TTBK2: variants seen among roughly 807,000 people sequenced by gnomAD.
TTBK2 encodes the protein tau tubulin kinase 2.
In TTBK2, 28 loss-of-function variants were observed where a neutral mutation model predicts 110.8. The observed-to-expected ratio is 0.25, with a 90% CI of 0.19 to 0.35. The LOEUF is 0.35. Ranked by LOEUF, TTBK2 falls within the 10% of genes least tolerant of loss-of-function variation. The probability of loss-of-function intolerance (pLI) is 1.00; values close to 1 mark genes in which losing one functional copy is unlikely to be tolerated. For synonymous variants in TTBK2, 532 were observed against 527.3 expected, an observed-to-expected ratio of 1.01 and a Z score of -0.12; for missense variants, 1,369 against 1,500.3, an observed-to-expected ratio of 0.91 and a Z score of 1.45.
At chr15:42,819,855 T>C (rs7182515) in intron 6 of TTBK2, among the ~76,000 whole-genome samples, 8,264 of 152,296 alleles carry the variant, frequency 0.054, 282 homozygotes, top group African/African-American at 0.1. Context: ...TCAGCTAACA[T>C]AGAATTTTTT....
intron 10 of TTBK2, 28 bp downstream of exon 10, chr15:42,794,615 CA>C: frequency 6.2e-7 from 1 of 1,614,106 alleles, no homozygotes; most frequent in South Asian, 1.1e-5. Flanking sequence ...CCAGGAAAGA[CA>C]CCACCAAATG....
Position 42,752,932 on chromosome 15 carries a change from T to C in TTBK2, c.2314A>G (p.Asn772Asp). The C allele has an allele frequency of 6.2e-7, 1 of 1,614,190 alleles. No individual in the cohort carries two copies. The highest frequency in any genetic ancestry group is 8.5e-7 in the Non-Finnish European group (1 of 1,180,032). ...HNRLVVREFENLPGETEEKSI... is the reference protein window; with the variant it reads ...HNRLVVREFEDLPGETEEKSI... ...TTCTCTTCAGTTTCCCCAGGGAGATTTTCAAATTCTCTCACAACCAGTCTA... is the reference window on the plus strand; with the variant it reads ...TTCTCTTCAGTTTCCCCAGGGAGATCTTCAAATTCTCTCACAACCAGTCTA... The change falls in exon 14 of 15, where the codon AAT becomes GAT. Residue 772 changes from asparagine (N) to aspartate (D), a missense_variant. Asn to Asp is a conservative substitution (Grantham distance 23, BLOSUM62 1). Around this residue, in one of 4 missense-constraint regions of TTBK2, gnomAD observed 1,097 missense variants for 1,114.7 expected, o/e 0.98. Coordinates refer to ENST00000267890, the MANE Select transcript of TTBK2 (RefSeq NM_173500.4).
At chr15:42,815,152 C>T (rs1035361886) in intron 7 of TTBK2, among the ~76,000 whole-genome samples, 1 of 151,728 alleles carries the variant, frequency 6.6e-6, no homozygotes, top group Admixed American at 6.6e-5. Flanking sequence ...AAGAATCTAT[C>T]AGGAAAAGAA....
rs67420749 is a variant in TTBK2 at position 42,831,022 on chromosome 15, ATGTGTGTGTG to A, written c.292-954_292-945del. On this transcript the variant is annotated intron_variant, in intron 4 of 14. Coordinates refer to ENST00000267890, the MANE Select transcript of TTBK2 (RefSeq NM_173500.4). Reference sequence around the variant, plus strand: ...TCCATCTCAAAAAAAAAATGTATATATGTGTGTGTGTGTGTGTGTGTGTGTGTGTGATCAA... The same window carrying A: ...TCCATCTCAAAAAAAAAATGTATATATGTGTGTGTGTGTGTGTGTGATCAA... Among the ~76,000 whole-genome samples the A allele has an allele frequency of 2.7e-3, 391 of 145,544 alleles. 9 individuals are homozygous for A. In the East Asian group the frequency reaches 0.059, roughly 22 times the overall value.
At position 42,920,525 on chromosome 15, in the gene TTBK2, G is replaced by T; in HGVS notation, c.-155C>A. 1 of 153,322 alleles carries T rather than the reference G, an allele frequency of 6.5e-6. No individual in the cohort carries two copies. Among genetic ancestry groups the T allele is most frequent in the South Asian group, 1.9e-4 (1 of 5,348 alleles). The allele number at this position is 153,322 out of a possible 1,614,324, so 9.5% of individuals were successfully genotyped here. ...CGGCGGGGGTTAACCCTCGGCAGGC[G>T]GGACCGCCACTGCCTGCCCATCCCC... On this transcript the variant is annotated 5_prime_UTR_variant, in exon 1 of 15. Coordinates refer to ENST00000267890, the MANE Select transcript of TTBK2 (RefSeq NM_173500.4).
At chr15:42,811,633 C>A in intron 8 of TTBK2, 55 bp downstream of exon 8, 1 of 1,433,196 alleles carries the variant, frequency 7.0e-7, no homozygotes, top group South Asian at 1.2e-5. Flanking sequence ...AATGTTTATT[C>A]AGCAGAAATT....
At chr15:42,864,054 C>T (rs560124723) in intron 3 of TTBK2, among the ~76,000 whole-genome samples, 14 of 152,092 alleles carry the variant, frequency 9.2e-5, no homozygotes, top group South Asian at 2.1e-4. Context: ...CCAGAAGTAA[C>T]GCAACGATAA....
At chr15:42,761,996 T>C (rs2062035214) in intron 13 of TTBK2, among the ~76,000 whole-genome samples, 1 of 152,176 alleles carries the variant, frequency 6.6e-6, no homozygotes, top group Non-Finnish European at 1.5e-5. Context: ...TGAGATCTGA[T>C]GGTTATTATA....
intron 9 of TTBK2, chr15:42,800,829 G>C (rs762920044): frequency 4.4e-5 from 25 of 563,144 alleles, no homozygotes; most frequent in Non-Finnish European, 6.6e-5. Context: ...TCCCCAGGTA[G>C]TAAACTCCCT....
chr15:42,810,461 A>C (rs1201500661), intron 9 of TTBK2, among the ~76,000 whole-genome samples, 153 bp downstream of exon 9: 1 of 152,182 alleles, frequency 6.6e-6, no homozygotes, highest in Non-Finnish European at 1.5e-5. Context: ...CTCTCATCAT[A>C]AGTTAATTTC....
rs2061780402 is a variant in TTBK2 at position 42,745,617 on chromosome 15, T to C, written c.*178A>G. The C allele has an allele frequency of 1.3e-6, 1 of 765,348 alleles. No individual in the cohort carries two copies. The highest frequency in any genetic ancestry group is 1.7e-5 in the African/African-American group (1 of 57,706). 47.4% of individuals were successfully genotyped at this position (765,348 alleles called of 1,614,324 possible). A position where few individuals can be genotyped will look rare whatever the true frequency, so the allele number is the denominator to read the frequency against. On this transcript the variant is annotated 3_prime_UTR_variant, in exon 15 of 15. Coordinates refer to ENST00000267890, the MANE Select transcript of TTBK2 (RefSeq NM_173500.4). ...AGACATTGATTCCTAATCTACTTGC[T>C]GCCTGCCTTAGGTAATTCCTTATCA...
chr15:42,831,249 T>C (rs1231009917), intron 4 of TTBK2, among the ~76,000 whole-genome samples: 2 of 152,084 alleles, frequency 1.3e-5, no homozygotes, highest in African/African-American at 4.8e-5. Context: ...TTTTTGTTTT[T>C]TAAATAGAGA....
intron 3 of TTBK2, among the ~76,000 whole-genome samples, chr15:42,847,652 A>C (rs555438041): frequency 1.4e-4 from 22 of 152,342 alleles, no homozygotes; most frequent in African/African-American, 4.8e-4. Flanking sequence ...GATGCCTGAT[A>C]GTTCCAACAC....
At chr15:42,878,283 G>A (rs1420243321) in intron 2 of TTBK2, among the ~76,000 whole-genome samples, 1 of 151,822 alleles carries the variant, frequency 6.6e-6, no homozygotes, top group Non-Finnish European at 1.5e-5. Flanking sequence ...CGCCCGGCCA[G>A]CTCATTGTAC....
At chr15:42,908,788 T>A (rs1001439647) in intron 1 of TTBK2, among the ~76,000 whole-genome samples, 5 of 152,174 alleles carry the variant, frequency 3.3e-5, no homozygotes, top group African/African-American at 9.7e-5. Context: ...AGAAATACTT[T>A]TTCCCCATGT....
intron 9 of TTBK2, chr15:42,802,519 T>G: frequency 2.1e-6 from 1 of 470,324 alleles, no homozygotes; most frequent in Non-Finnish European, 3.9e-6. Flanking sequence ...TTAGCAACAT[T>G]GGTAAAGAAA....
intron 3 of TTBK2, among the ~76,000 whole-genome samples, chr15:42,861,302 C>T (rs1053031185): frequency 2.0e-5 from 3 of 152,158 alleles, no homozygotes; most frequent in Non-Finnish European, 4.4e-5. Context: ...ACAGAATATA[C>T]ATTCTTCTTA....
chr15:42,751,829 G>C lies in TTBK2; in HGVS notation c.3272+145C>G, dbSNP rs73410971. ...TGGAAAAAATCTGATTACTTCTACTGCACTAGGCTGTAAGGCCTGGGAAAG... is the reference window on the plus strand; with the variant it reads ...TGGAAAAAATCTGATTACTTCTACTCCACTAGGCTGTAAGGCCTGGGAAAG... On this transcript the variant is annotated intron_variant, in intron 14 of 14. Transcript: ENST00000267890. The C allele has an allele frequency of 0.026, 24,572 of 944,618 alleles. 1,184 individuals carry two copies. The highest frequency in any genetic ancestry group is 0.18 in the African/African-American group (11,130 of 62,212). 58.5% of individuals were successfully genotyped at this position (944,618 alleles called of 1,614,324 possible). A position where few individuals can be genotyped will look rare whatever the true frequency, so the allele number is the denominator to read the frequency against.
chr15:42,802,050 G>A (rs369340519), intron 9 of TTBK2: 69 of 1,467,126 alleles, frequency 4.7e-5, no homozygotes, highest in Non-Finnish European at 6.0e-5. Flanking sequence ...GGCTCCACTT[G>A]GTCTCAAGCA....
Sources: allele counts gnomAD v4.1 joint callset (sites outside exome capture counted in the v4.1 genomes callset), GRCh38; gene constraint gnomAD v4.1.1; regional missense constraint gnomAD v4.1.1; transcripts MANE v1.5; gene names NCBI Gene and HGNC (gene_info 2026-07-23, HGNC 2026-07-21).